Variants in TRPS1 observed in about 807,000 individuals in gnomAD.
TRPS1 encodes zinc finger transcription factor Trps1.
TRPS1 carries 6 observed loss-of-function variants against 101.2 expected under a neutral mutation model. That is an observed-to-expected ratio of 0.06 (90% CI 0.03 to 0.12). The LOEUF (loss-of-function observed/expected upper bound fraction) is 0.12, where lower values mean the gene tolerates loss of function less well. TRPS1 is among the 10% of genes least tolerant of loss of function. The pLI is 1.00. For missense variants in TRPS1, 1,363 were observed against 1,567.0 expected (o/e 0.87, Z 2.20); for synonymous variants, 578 against 589.8 (o/e 0.98, Z 0.29).
intron 5 of TRPS1, among the ~76,000 whole-genome samples, chr8:115,585,799 C>G (rs1817549520): frequency 6.6e-6 from 1 of 152,142 alleles, no homozygotes. Context: ...CAGGGGGCAT[C>G]TCCTCTTCTG....
chr8:115,491,756 G>A (rs910769689), intron 5 of TRPS1, among the ~76,000 whole-genome samples: 1 of 152,080 alleles, frequency 6.6e-6, no homozygotes, highest in Non-Finnish European at 1.5e-5. Context: ...ACCCTCAACC[G>A]CCTGTTGCTG....
chr8:115,420,336 T>G (rs1340415840), intron 5 of TRPS1, among the ~76,000 whole-genome samples: 1 of 152,230 alleles, frequency 6.6e-6, no homozygotes, highest in South Asian at 2.1e-4. Flanking sequence ...TTTTGGGGAC[T>G]CCCTTTGTGC....
intron 3 of TRPS1, among the ~76,000 whole-genome samples, chr8:115,610,385 T>C (rs1011191908): frequency 3.9e-5 from 6 of 152,204 alleles, no homozygotes; most frequent in African/African-American, 1.2e-4. Context: ...GCATGTATAG[T>C]GCTTCAAAAA....
intron 5 of TRPS1, among the ~76,000 whole-genome samples, chr8:115,420,172 G>C (rs1422003915): frequency 6.6e-6 from 1 of 152,082 alleles, no homozygotes. Flanking sequence ...CCCGACTCTG[G>C]ACCAGGAATG....
chr8:115,527,096 A>G (rs1314526243), intron 5 of TRPS1, among the ~76,000 whole-genome samples: 1 of 152,150 alleles, frequency 6.6e-6, no homozygotes, highest in Middle Eastern at 3.2e-3. Flanking sequence ...CATAAAATAA[A>G]ATTGTTATTA....
intron 3 of TRPS1, among the ~76,000 whole-genome samples, chr8:115,611,212 G>C (rs1818156282): frequency 6.6e-6 from 1 of 151,752 alleles, no homozygotes; most frequent in Non-Finnish European, 1.5e-5. Flanking sequence ...GGGTTACAAA[G>C]CTAAGTGAAT....
intron 5 of TRPS1, among the ~76,000 whole-genome samples, chr8:115,580,959 T>C (rs569163161): frequency 6.6e-6 from 1 of 152,280 alleles, no homozygotes; most frequent in South Asian, 2.1e-4. Context: ...CCATGTTCAC[T>C]GCAGCACTAT....
intron 5 of TRPS1, among the ~76,000 whole-genome samples, chr8:115,529,689 G>A (rs1181310379): frequency 6.6e-6 from 1 of 152,066 alleles, no homozygotes; most frequent in African/African-American, 2.4e-5. Context: ...CATAAAATCT[G>A]TATTATATTA....
intron 5 of TRPS1, among the ~76,000 whole-genome samples, chr8:115,558,274 G>C (rs528895869): frequency 6.6e-6 from 1 of 152,244 alleles, no homozygotes; most frequent in African/African-American, 2.4e-5. Context: ...GTAATTTACT[G>C]TTAATATTGG....
At chr8:115,446,603 T>C (rs1221526263) in intron 5 of TRPS1, among the ~76,000 whole-genome samples, 5 of 152,216 alleles carry the variant, frequency 3.3e-5, no homozygotes, top group Admixed American at 2.0e-4. Context: ...TTCTGATCAC[T>C]TGTATTTTTC....
intron 5 of TRPS1, among the ~76,000 whole-genome samples, chr8:115,517,542 C>T (rs1051863791): frequency 7.4e-6 from 1 of 135,778 alleles, no homozygotes; most frequent in Non-Finnish European, 1.6e-5. Flanking sequence ...ATTAAAATAA[C>T]ATTATAACAA....
At chr8:115,521,320 G>A (rs775733309) in intron 5 of TRPS1, among the ~76,000 whole-genome samples, 1 of 151,798 alleles carries the variant, frequency 6.6e-6, no homozygotes, top group Non-Finnish European at 1.5e-5. Context: ...AGGCAACAGA[G>A]ATTGTATTTT....
At chr8:115,492,448 T>C (rs574339304) in intron 5 of TRPS1, among the ~76,000 whole-genome samples, 27 of 131,282 alleles carry the variant, frequency 2.1e-4, no homozygotes, top group African/African-American at 7.6e-4. Context: ...ATTTATTGGG[T>C]GCCAAGCACT....
In TRPS1 at chr8:115,614,449, T is replaced by C. The variant is rs552333755; in HGVS notation, c.966+4683A>G. 3.3e-5 allele frequency among the ~76,000 whole-genome samples: 5 copies of C among 152,344 alleles called. No homozygotes were observed. In the East Asian group the frequency reaches 7.7e-4, roughly 24 times the overall value. Reference sequence around the variant, plus strand: ...ATGCAGGTAAAGGGATTAGTAATGATAGTTGAACTATTCTACTAGGGTGGC... The same window carrying C: ...ATGCAGGTAAAGGGATTAGTAATGACAGTTGAACTATTCTACTAGGGTGGC... On this transcript the variant is annotated intron_variant, in intron 3 of 6. Transcript: ENST00000395715.
chr8:115,458,587 G>GT (rs1814087513), intron 5 of TRPS1, among the ~76,000 whole-genome samples: 1 of 152,138 alleles, frequency 6.6e-6, no homozygotes, highest in Admixed American at 6.5e-5. Flanking sequence ...TACTTTAAAT[G>GT]TAACAATCCC....
chr8:115,550,980 A>T (rs1018048264), intron 5 of TRPS1, among the ~76,000 whole-genome samples: 1 of 152,204 alleles, frequency 6.6e-6, no homozygotes, highest in African/African-American at 2.4e-5. Flanking sequence ...AGATAATCTC[A>T]CAGTGACTCC....
At chr8:115,501,489 C>A (rs897129599) in intron 5 of TRPS1, among the ~76,000 whole-genome samples, 1 of 152,140 alleles carries the variant, frequency 6.6e-6, no homozygotes, top group Non-Finnish European at 1.5e-5. Flanking sequence ...TAAAAACTCT[C>A]AATTTCCAAA....
At chr8:115,470,030 C>A (rs573092955) in intron 5 of TRPS1, among the ~76,000 whole-genome samples, 15 of 152,264 alleles carry the variant, frequency 9.9e-5, no homozygotes, top group African/African-American at 3.4e-4. Context: ...TATGATTGGG[C>A]AACAAGGACA....
chr8:115,614,585 A>G (rs1818238094), intron 3 of TRPS1, among the ~76,000 whole-genome samples: 1 of 152,152 alleles, frequency 6.6e-6, no homozygotes, highest in Non-Finnish European at 1.5e-5. Context: ...TGCACACTTT[A>G]TTACTTGTTA....
Sources: gnomAD v4.1 joint callset for allele counts (sites outside exome capture counted in the v4.1 genomes callset) on GRCh38, gnomAD v4.1.1 for gene constraint, MANE v1.5 for transcripts, NCBI Gene and HGNC (gene_info 2026-07-23, HGNC 2026-07-21) for gene names.